Variants in ANO4 observed in about 807,000 individuals in gnomAD.
The protein encoded by ANO4 is anoctamin-4.
ANO4 carries 69 observed loss-of-function variants against 141.9 expected under a neutral mutation model. That is an observed-to-expected ratio of 0.49 (90% CI 0.40 to 0.59). The LOEUF is 0.59. Among genes scored for constraint, ANO4 ranks in the 20% least tolerant of loss-of-function variants. The probability of loss-of-function intolerance (pLI) is 0.00; values close to 1 mark genes in which losing one functional copy is unlikely to be tolerated. For synonymous variants in ANO4, 350 were observed against 394.3 expected (o/e 0.89, Z 1.33); for missense variants, 894 against 1,162.2 (o/e 0.77, Z 3.36).
At chr12:101,027,410 G>A (rs936196278) in intron 9 of ANO4, among the ~76,000 whole-genome samples, 6 of 152,160 alleles carry the variant, frequency 3.9e-5, no homozygotes, top group African/African-American at 1.4e-4. Flanking sequence ...GAGCTCCTTG[G>A]GGGAGGGGCA....
intron 25 of ANO4, among the ~76,000 whole-genome samples, chr12:101,118,241 T>C (rs2050935216): frequency 6.6e-6 from 1 of 152,204 alleles, no homozygotes; most frequent in Admixed American, 6.5e-5. Context: ...TTAAAAACTT[T>C]GTAATCATTT....
chr12:100,877,972 C>T (rs577145769), intron 1 of ANO4, among the ~76,000 whole-genome samples: 1 of 151,326 alleles, frequency 6.6e-6, no homozygotes, highest in South Asian at 2.1e-4. Flanking sequence ...AAACTTCTAT[C>T]CCTTCCCCTA....
chr12:101,074,877 T>G (rs747727359), intron 14 of ANO4, among the ~76,000 whole-genome samples: 26 of 152,198 alleles, frequency 1.7e-4, no homozygotes, highest in Non-Finnish European at 2.8e-4. Flanking sequence ...GCATTTCATT[T>G]ATGCATTTAT....
chr12:100,845,698 T>C, intron 1 of ANO4, among the ~76,000 whole-genome samples: 1 of 152,178 alleles, frequency 6.6e-6, no homozygotes, highest in Admixed American at 6.5e-5. Flanking sequence ...AATTACTCTG[T>C]AGTTCACCCT....
intron 1 of ANO4, among the ~76,000 whole-genome samples, chr12:100,899,419 G>A (rs1469716633): frequency 2.0e-5 from 3 of 152,252 alleles, no homozygotes; most frequent in South Asian, 4.1e-4. Context: ...TAGGTTATCC[G>A]GTGAGCACTG....
intron 8 of ANO4, among the ~76,000 whole-genome samples, chr12:100,998,386 T>TCTATCTAC (rs1358610830): frequency 1.3e-5 from 2 of 148,198 alleles, no homozygotes; most frequent in Non-Finnish European, 3.0e-5. Context: ...CCTTTATCTA[T>TCTATCTAC]CTATCTATCT....
chr12:101,040,579 T>C (rs2047373841), intron 11 of ANO4, among the ~76,000 whole-genome samples: 1 of 152,134 alleles, frequency 6.6e-6, no homozygotes, highest in Non-Finnish European at 1.5e-5. Context: ...TTTTAACCTA[T>C]GATAATTGTG....
At chr12:100,847,124 T>C (rs2037609607) in intron 1 of ANO4, among the ~76,000 whole-genome samples, 1 of 152,242 alleles carries the variant, frequency 6.6e-6, no homozygotes, top group Admixed American at 6.5e-5. Context: ...TGTTTGTTTT[T>C]ACCAGTATGT....
chr12:101,002,063 C>T (rs1359844810), intron 8 of ANO4, among the ~76,000 whole-genome samples: 6 of 152,138 alleles, frequency 3.9e-5, no homozygotes, highest in South Asian at 2.1e-4. Context: ...CAAATCCTTT[C>T]GGCCCTTCTC....
intron 25 of ANO4, among the ~76,000 whole-genome samples, chr12:101,118,849 T>C (rs905782621): frequency 6.6e-6 from 1 of 151,076 alleles, no homozygotes; most frequent in Non-Finnish European, 1.5e-5. Context: ...GTATATCTCC[T>C]AATGCTATCC....
At chr12:100,791,335 G>A (rs754644806), upstream of ANO4, among the ~76,000 whole-genome samples, 25 of 152,040 alleles carry the variant, frequency 1.6e-4, no homozygotes, top group African/African-American at 4.4e-4. Context: ...GCTTAAACCC[G>A]GGAGGCAGAG....
chr12:100,999,893 A>C (rs1176778473), intron 8 of ANO4, among the ~76,000 whole-genome samples: 1 of 151,258 alleles, frequency 6.6e-6, no homozygotes, highest in African/African-American at 2.5e-5. Context: ...AAAAAAAAAA[A>C]AAAACTTTAG....
intron 3 of ANO4, among the ~76,000 whole-genome samples, chr12:100,923,869 G>T (rs1049923586): frequency 6.6e-6 from 1 of 152,086 alleles, no homozygotes; most frequent in Non-Finnish European, 1.5e-5. Context: ...GTTTTGATTT[G>T]CATTTCTCTG....
At chr12:100,979,913 T>A (rs1393342385) in intron 7 of ANO4, among the ~76,000 whole-genome samples, 1 of 147,408 alleles carries the variant, frequency 6.8e-6, no homozygotes, top group Non-Finnish European at 1.5e-5. Flanking sequence ...TTTTTTTTTT[T>A]GTATTTTTAG....
intron 3 of ANO4, among the ~76,000 whole-genome samples, chr12:100,770,453 C>A: frequency 6.6e-6 from 1 of 152,182 alleles, no homozygotes; most frequent in East Asian, 1.9e-4. Flanking sequence ...GCTATCTTAT[C>A]CTAAACCATC....
intron 8 of ANO4, among the ~76,000 whole-genome samples, chr12:100,988,984 G>A (rs528929474): frequency 1.3e-5 from 2 of 152,242 alleles, no homozygotes; most frequent in South Asian, 4.1e-4. Flanking sequence ...CAGAAAAACG[G>A]TTAAAGTCTG....
At chr12:100,805,906 G>A (rs1332290779) in intron 1 of ANO4, among the ~76,000 whole-genome samples, 1 of 152,168 alleles carries the variant, frequency 6.6e-6, no homozygotes, top group Admixed American at 6.5e-5. Flanking sequence ...GTCCCTGGGA[G>A]GAGGACCCAC....
chr12:100,885,844 A>C (rs2039798355), intron 1 of ANO4, among the ~76,000 whole-genome samples: 1 of 152,190 alleles, frequency 6.6e-6, no homozygotes, highest in African/African-American at 2.4e-5. Flanking sequence ...CTAGGCAAAG[A>C]ACTCCAGCTG....
chr12:100,733,150 G>A (rs1457527845), intron 1 of ANO4, among the ~76,000 whole-genome samples: 1 of 152,116 alleles, frequency 6.6e-6, no homozygotes, highest in Non-Finnish European at 1.5e-5. Context: ...AACAAAAATA[G>A]GATCCTGCTT....
Sources: allele counts gnomAD v4.1 joint callset (sites outside exome capture counted in the v4.1 genomes callset), GRCh38; gene constraint gnomAD v4.1.1; transcripts MANE v1.5; gene names NCBI Gene and HGNC (gene_info 2026-07-23, HGNC 2026-07-21).